The following HADH variants were observed in gnomAD, a reference collection of about 807,000 sequenced individuals.
The protein encoded by HADH is hydroxyacyl-CoA dehydrogenase.
Under a neutral mutation model 32.2 loss-of-function variants are expected in HADH, and 24 were observed. That is an observed-to-expected ratio of 0.75 (90% CI 0.54 to 1.05). HADH has a LOEUF of 1.05. HADH is among the 50% of genes least tolerant of loss of function. The pLI is 0.00. For missense variants in HADH, 350 were observed against 397.1 expected (o/e 0.88, Z 1.01); for synonymous variants, 139 against 152.5 (o/e 0.91, Z 0.65).
chr4:108,018,504 A>G (rs556794743), intron 3 of HADH, among the ~76,000 whole-genome samples: 1 of 152,172 alleles, frequency 6.6e-6, no homozygotes, highest in Non-Finnish European at 1.5e-5. Flanking sequence ...GGATGTGCTC[A>G]TACCTGGAAA....
chr4:108,028,875 T>G (rs1361893087), intron 6 of HADH: 3 of 398,486 alleles, frequency 7.5e-6, no homozygotes, highest in East Asian at 3.6e-5. Context: ...AGATGGTAAG[T>G]TGAAAGCCCT....
At chr4:108,003,629 G>A (rs979900664) in intron 1 of HADH, among the ~76,000 whole-genome samples, 16 of 151,862 alleles carry the variant, frequency 1.1e-4, no homozygotes, top group Non-Finnish European at 1.5e-4. Flanking sequence ...ATCCCAGCCC[G>A]TTTGTAAAAA....
At chr4:107,992,314 T>C (rs1165115206) in intron 1 of HADH, among the ~76,000 whole-genome samples, 1 of 152,242 alleles carries the variant, frequency 6.6e-6, no homozygotes, top group African/African-American at 2.4e-5. Flanking sequence ...TCCATCCTTA[T>C]GTAACACAGT....
chr4:108,024,989 T>C (rs2126235337), intron 5 of HADH: 1 of 152,316 alleles, frequency 6.6e-6, no homozygotes. Flanking sequence ...TGAAGCTCTT[T>C]ATGAGGCATC....
intron 3 of HADH, among the ~76,000 whole-genome samples, chr4:108,017,556 C>CTT (rs201301738): frequency 1.4e-4 from 20 of 144,334 alleles, no homozygotes; most frequent in African/African-American, 1.8e-4. Flanking sequence ...TGTAAGAGTA[C>CTT]TTTTTTTTTT....
chr4:108,018,818 T>C (rs1205924642), intron 3 of HADH, among the ~76,000 whole-genome samples: 1 of 152,160 alleles, frequency 6.6e-6, no homozygotes, highest in Non-Finnish European at 1.5e-5. Flanking sequence ...TTAAAGCTTT[T>C]CCTCTCATGC....
chr4:108,022,442 C>T (rs1735925609), intron 4 of HADH, among the ~76,000 whole-genome samples: 2 of 152,060 alleles, frequency 1.3e-5, no homozygotes, highest in African/African-American at 2.4e-5. Context: ...GTCAGGAGGG[C>T]TGCTGGAGCA....
intron 3 of HADH, 95 bp downstream of exon 3, chr4:108,014,683 A>G (rs927916080): frequency 2.4e-5 from 28 of 1,163,324 alleles, no homozygotes; most frequent in Middle Eastern, 2.2e-4. Flanking sequence ...TGTGAGTACA[A>G]GTGCAGTTTT....
intron 1 of HADH, among the ~76,000 whole-genome samples, chr4:108,007,170 G>A (rs538329363): frequency 1.7e-4 from 26 of 152,186 alleles, no homozygotes; most frequent in Middle Eastern, 3.4e-3. Flanking sequence ...GCAGTGGTGC[G>A]ATCTCGGCTC....
At chr4:107,990,122 G>T (rs1734732839) in intron 1 of HADH, 58 bp downstream of exon 1, 1 of 1,544,804 alleles carries the variant, frequency 6.5e-7, no homozygotes, top group African/African-American at 1.4e-5. Context: ...TGAGGTGGAA[G>T]CTCTGGCGCG....
chr4:108,019,350 A>C (rs1735801492), intron 3 of HADH, among the ~76,000 whole-genome samples, 190 bp from the exon 4 acceptor site: 1 of 152,140 alleles, frequency 6.6e-6, no homozygotes, highest in African/African-American at 2.4e-5. Flanking sequence ...CAAATTTAAA[A>C]ATTTTTAAAA....
At chr4:108,012,996 G>A (rs1437929028) in intron 2 of HADH, among the ~76,000 whole-genome samples, 6 of 152,174 alleles carry the variant, frequency 3.9e-5, no homozygotes, top group Non-Finnish European at 7.3e-5. Flanking sequence ...GCAGTTGCGC[G>A]ATGTCGGCTC....
intron 1 of HADH, among the ~76,000 whole-genome samples, chr4:107,997,917 C>T (rs1224765776): frequency 6.6e-6 from 1 of 152,136 alleles, no homozygotes; most frequent in Non-Finnish European, 1.5e-5. Context: ...CTGAATTACT[C>T]AGGAGAATGA....
At chr4:107,997,325 T>C (rs1196375787) in intron 1 of HADH, among the ~76,000 whole-genome samples, 3 of 152,168 alleles carry the variant, frequency 2.0e-5, no homozygotes, top group African/African-American at 7.2e-5. Context: ...GGACATCCAG[T>C]GGAACTGTTG....
intron 1 of HADH, among the ~76,000 whole-genome samples, chr4:107,990,939 A>C (rs1383446315): frequency 2.0e-5 from 3 of 151,796 alleles, no homozygotes; most frequent in East Asian, 3.9e-4. Flanking sequence ...ACAGGGTTTC[A>C]CCTTGTGGGT....
chr4:108,013,082 G>A (rs1444457730), intron 2 of HADH, among the ~76,000 whole-genome samples: 2 of 152,194 alleles, frequency 1.3e-5, no homozygotes, highest in East Asian at 1.9e-4. Flanking sequence ...GCAGGCGCCC[G>A]CTACCACGCC....
At chr4:108,010,124 G>T (rs1396411790) in intron 2 of HADH, among the ~76,000 whole-genome samples, 1 of 151,948 alleles carries the variant, frequency 6.6e-6, no homozygotes, top group African/African-American at 2.4e-5. Flanking sequence ...TGGGATTTGA[G>T]GTTGAGAAGA....
chr4:108,016,344 G>A (rs893268108), intron 3 of HADH, among the ~76,000 whole-genome samples: 1 of 152,244 alleles, frequency 6.6e-6, no homozygotes, highest in Admixed American at 6.5e-5. Context: ...AACCTTCAGA[G>A]ATGGGTGGCC....
Position 107,990,105 on chromosome 4 carries a change from C to T in HADH, c.132+41C>T, listed in dbSNP as rs372068563. 41 of 1,576,680 alleles carry T rather than the reference C, an allele frequency of 2.6e-5. 1 individual carries two copies. In the African/African-American group the frequency reaches 5.3e-4, roughly 20 times the overall value. On this transcript the variant is annotated intron_variant, in intron 1 of 7. Transcript: ENST00000309522. Reference sequence around the variant, plus strand: ...TGCAGCGTGCCCACGCGCTTGGCCGCCCACCCTGAGGTGGAAGCTCTGGCG... The same window carrying T: ...TGCAGCGTGCCCACGCGCTTGGCCGTCCACCCTGAGGTGGAAGCTCTGGCG...
Sources: allele counts gnomAD v4.1 joint callset (sites outside exome capture counted in the v4.1 genomes callset), GRCh38; gene constraint gnomAD v4.1.1; transcripts MANE v1.5; gene names NCBI Gene and HGNC (gene_info 2026-07-23, HGNC 2026-07-21).